Variants in RBMS3 observed in about 807,000 individuals in gnomAD.
RBMS3 encodes the protein RNA binding motif single stranded interacting protein 3.
RBMS3 carries 27 observed loss-of-function variants against 66.8 expected under a neutral mutation model. The observed-to-expected ratio is 0.40, with a 90% confidence interval of 0.30 to 0.56. The LOEUF is 0.56. Ranked by LOEUF, RBMS3 falls within the 20% of genes least tolerant of loss-of-function variation. The probability of loss-of-function intolerance (pLI) is 0.40; values close to 1 mark genes in which losing one functional copy is unlikely to be tolerated. For synonymous variants in RBMS3, 188 were observed against 183.0 expected (o/e 1.03, Z -0.22); for missense variants, 513 against 549.5 (o/e 0.93, Z 0.66).
intron 6 of RBMS3, among the ~76,000 whole-genome samples, chr3:29,796,507 C>T (rs1261079173): frequency 2.0e-5 from 3 of 152,140 alleles, no homozygotes; most frequent in Non-Finnish European, 4.4e-5. Context: ...TCAGAGGAAT[C>T]ACTATCTATG....
intron 4 of RBMS3, among the ~76,000 whole-genome samples, chr3:29,704,329 CAT>C (rs66838123): frequency 0.46 from 69,017 of 151,632 alleles, 15,892 homozygotes; most frequent in Middle Eastern, 0.57. Context: ...GAATCAAACA[CAT>C]GTGTGTATTC....
intron 8 of RBMS3, among the ~76,000 whole-genome samples, chr3:29,885,344 G>A (rs2059845398): frequency 1.3e-5 from 2 of 151,776 alleles, no homozygotes; most frequent in Admixed American, 6.6e-5. Flanking sequence ...ATATCCAATA[G>A]GCATTTACTT....
chr3:29,923,603 G>T (rs1470674886), intron 10 of RBMS3, among the ~76,000 whole-genome samples: 4 of 151,920 alleles, frequency 2.6e-5, no homozygotes, highest in Non-Finnish European at 5.9e-5. Context: ...GAAAGGGAGT[G>T]CTAGGAAAAA....
rs984442940 is a variant in RBMS3, at chr3:29,672,289, G to A, written c.400-67431G>A. Among the ~76,000 whole-genome samples the A allele has an allele frequency of 2.6e-5, 4 of 152,124 alleles. No homozygotes were observed. The South Asian group carries it at 6.2e-4, about 24-fold the overall frequency. ...CTTACAAGAGCTCCTAAAGGAAGCA[G>A]TAAACATGGAAAGGAATAACCGGTA... On this transcript the variant is annotated intron_variant, in intron 4 of 14. Transcript: ENST00000383767.
At chr3:29,942,678 T>C (rs1425639172) in intron 11 of RBMS3, among the ~76,000 whole-genome samples, 1 of 151,892 alleles carries the variant, frequency 6.6e-6, no homozygotes, top group Non-Finnish European at 1.5e-5. Flanking sequence ...GAGTAATGTC[T>C]ATTTTAATCA....
intron 4 of RBMS3, among the ~76,000 whole-genome samples, chr3:29,724,351 A>G (rs12374088): frequency 0.49 from 74,044 of 151,976 alleles, 18,202 homozygotes; most frequent in Middle Eastern, 0.56. Flanking sequence ...AATTGTAGAA[A>G]TGATCATGAT....
intron 1 of RBMS3, among the ~76,000 whole-genome samples, chr3:29,324,658 A>G (rs74653960): frequency 0.016 from 2,367 of 146,710 alleles, 31 homozygotes; most frequent in Non-Finnish European, 0.021. Context: ...GTGCCCTTCC[A>G]TTAAGCCCTT....
intron 4 of RBMS3, among the ~76,000 whole-genome samples, chr3:29,610,271 A>G (rs1015689563): frequency 6.6e-6 from 1 of 152,082 alleles, no homozygotes; most frequent in Middle Eastern, 3.2e-3. Flanking sequence ...AACAGTAGCA[A>G]ACTAATGTAA....
intron 2 of RBMS3, among the ~76,000 whole-genome samples, chr3:29,441,082 A>G (rs2041602715): frequency 6.6e-6 from 1 of 152,112 alleles, no homozygotes; most frequent in Non-Finnish European, 1.5e-5. Flanking sequence ...TGCAAGTCAG[A>G]CTCAAATTAC....
intron 4 of RBMS3, among the ~76,000 whole-genome samples, chr3:29,684,815 C>G (rs891636098): frequency 2.7e-5 from 4 of 149,564 alleles, no homozygotes; most frequent in South Asian, 2.1e-4. Context: ...CACACACACA[C>G]AGACACATAC....
At chr3:29,587,073 C>A in intron 3 of RBMS3, 41 bp from the exon 4 acceptor site, 1 of 1,489,130 alleles carries the variant, frequency 6.7e-7, no homozygotes, top group Non-Finnish European at 9.3e-7. Flanking sequence ...AGAGATTCAG[C>A]TTTTTGTGAA....
In RBMS3 at chr3:29,773,154, A is replaced by G. The variant is rs77391468; in HGVS notation, c.637+10165A>G. On this transcript the variant is annotated intron_variant, in intron 6 of 14. Transcript: ENST00000383767. ...CTCCTCGAGGTTATAATCAACTTTA[A>G]GTTTTAGATGATTATATCTCAAGCA... is the stretch of plus-strand genomic sequence containing the variant. 2.2e-3 allele frequency among the ~76,000 whole-genome samples: 329 copies of G among 152,094 alleles called. 5 individuals are homozygous for G. The East Asian group carries it at 0.03, about 14-fold the overall frequency.
chr3:29,722,830 AT>A (rs1176378035), intron 4 of RBMS3, among the ~76,000 whole-genome samples: 3 of 152,118 alleles, frequency 2.0e-5, no homozygotes, highest in Non-Finnish European at 4.4e-5. Flanking sequence ...CAAGATACTC[AT>A]TCATCCCATT....
At chr3:29,820,532 C>T (rs932681908) in intron 6 of RBMS3, among the ~76,000 whole-genome samples, 1 of 152,074 alleles carries the variant, frequency 6.6e-6, no homozygotes, top group Non-Finnish European at 1.5e-5. Flanking sequence ...CTCAAACCAG[C>T]TAATTCAAAG....
At chr3:29,505,465 T>C (rs991674512) in intron 3 of RBMS3, among the ~76,000 whole-genome samples, 6 of 151,854 alleles carry the variant, frequency 4.0e-5, no homozygotes, top group Non-Finnish European at 7.4e-5. Flanking sequence ...TGTAGCTTTG[T>C]AGTGTATTTT....
intron 4 of RBMS3, among the ~76,000 whole-genome samples, chr3:29,693,304 A>G (rs535171463): frequency 4.7e-4 from 71 of 152,324 alleles, no homozygotes; most frequent in East Asian, 3.5e-3. Context: ...ATTCATGACT[A>G]TAATTTTCTC....
At chr3:29,349,706 A>G (rs1354881322) in intron 1 of RBMS3, among the ~76,000 whole-genome samples, 1 of 152,194 alleles carries the variant, frequency 6.6e-6, no homozygotes, top group Admixed American at 6.5e-5. Flanking sequence ...TCGTGTGTCT[A>G]ACAACTCAGC....
intron 3 of RBMS3, among the ~76,000 whole-genome samples, chr3:29,577,237 T>C (rs1381355008): frequency 6.6e-6 from 1 of 152,232 alleles, no homozygotes; most frequent in East Asian, 1.9e-4. Flanking sequence ...CTTAGTATTC[T>C]GCCCAATGCC....
At chr3:29,648,742 T>A (rs534283644) in intron 4 of RBMS3, among the ~76,000 whole-genome samples, 8 of 152,044 alleles carry the variant, frequency 5.3e-5, no homozygotes, top group South Asian at 2.1e-4. Context: ...TGTCCAAATA[T>A]TTTTTTATTT....
Sources: gnomAD v4.1 joint callset for allele counts (sites outside exome capture counted in the v4.1 genomes callset) on GRCh38, gnomAD v4.1.1 for gene constraint, MANE v1.5 for transcripts, NCBI Gene and HGNC (gene_info 2026-07-23, HGNC 2026-07-21) for gene names.